Variants in CLASP1 observed in about 807,000 individuals in gnomAD.
CLASP1 encodes cytoplasmic linker associated protein 1.
A neutral mutation model predicts 192.3 loss-of-function variants in CLASP1; 38 were observed. The ratio of observed to expected loss-of-function variants is 0.20; its 90% CI spans 0.15 to 0.26. CLASP1 has a LOEUF of 0.26. CLASP1 is among the 10% of genes least tolerant of loss of function. The pLI is 1.00. For synonymous variants in CLASP1, 691 were observed against 712.8 expected (o/e 0.97, Z 0.49); for missense variants, 1,433 against 1,932.5 (o/e 0.74, Z 4.85).
At chr2:121,431,290 T>C (rs951514304) in intron 19 of CLASP1, among the ~76,000 whole-genome samples, 2 of 152,240 alleles carry the variant, frequency 1.3e-5, no homozygotes, top group African/African-American at 4.8e-5. Flanking sequence ...ATAAACTCTA[T>C]AATCTATACA....
chr2:121,538,268 C>T (rs376232068), intron 2 of CLASP1, among the ~76,000 whole-genome samples: 2 of 151,924 alleles, frequency 1.3e-5, no homozygotes, highest in African/African-American at 2.4e-5. Flanking sequence ...CAAAATTAGC[C>T]GGGCGTGGTG....
At chr2:121,479,082 C>T in intron 8 of CLASP1, among the ~76,000 whole-genome samples, 1 of 127,204 alleles carries the variant, frequency 7.9e-6, no homozygotes, top group East Asian at 2.3e-4. Flanking sequence ...ACACCATCAA[C>T]AACATGGTGA....
chr2:121,613,608 C>A (rs1228726656), intron 1 of CLASP1, among the ~76,000 whole-genome samples: 1 of 138,810 alleles, frequency 7.2e-6, no homozygotes, highest in East Asian at 2.2e-4. Context: ...TGAAAAAGCA[C>A]ATGCACAAAG....
intron 3 of CLASP1, among the ~76,000 whole-genome samples, chr2:121,529,020 C>T (rs1417810017): frequency 1.3e-5 from 2 of 152,200 alleles, no homozygotes; most frequent in Non-Finnish European, 2.9e-5. Flanking sequence ...CTCCTTACCC[C>T]ACGTTCCTCC....
chr2:121,378,216 C>A (rs2070731579), intron 33 of CLASP1, among the ~76,000 whole-genome samples: 1 of 152,086 alleles, frequency 6.6e-6, no homozygotes. Flanking sequence ...TATGAACAGG[C>A]CCAGAAAGTA....
chr2:121,347,728 G>C (rs2063634120), intron 38 of CLASP1, among the ~76,000 whole-genome samples: 1 of 152,100 alleles, frequency 6.6e-6, no homozygotes, highest in African/African-American at 2.4e-5. Context: ...ACCTGCTGCT[G>C]TTCTCCAAAC....
intron 22 of CLASP1, among the ~76,000 whole-genome samples, chr2:121,421,300 G>C (rs933561808): frequency 6.6e-6 from 1 of 152,014 alleles, no homozygotes; most frequent in Admixed American, 6.6e-5. Context: ...CTGTCACCTG[G>C]GCTGGAGAGC....
At chr2:121,597,331 A>T (rs1354897714) in intron 2 of CLASP1, among the ~76,000 whole-genome samples, 2 of 152,298 alleles carry the variant, frequency 1.3e-5, no homozygotes, top group Admixed American at 6.5e-5. Context: ...ACAGCCATAG[A>T]CTATCATTAT....
chr2:121,363,898 A>G (rs2066884752), intron 36 of CLASP1, among the ~76,000 whole-genome samples: 1 of 152,166 alleles, frequency 6.6e-6, no homozygotes, highest in African/African-American at 2.4e-5. Context: ...AAGAGAACGT[A>G]GTTTACACCA....
Position 121,500,573 on chromosome 2 carries a change from TA to T in CLASP1, c.712+2593del, listed in dbSNP as rs2093721859. On this transcript the variant is annotated intron_variant, in intron 8 of 39. Transcript: ENST00000263710. ...AGGGAGACAGGTTTTATTCCATCACTACTGCAGTTTCTCTATGCCATCTAAA... is the reference window on the plus strand; with the variant it reads ...AGGGAGACAGGTTTTATTCCATCACTCTGCAGTTTCTCTATGCCATCTAAA... Among the ~76,000 whole-genome samples the T allele has an allele frequency of 3.9e-5, 6 of 152,278 alleles. No homozygotes were observed. The South Asian group carries it at 1.2e-3, about 32-fold the overall frequency.
chr2:121,523,348 A>T (rs927839203), intron 6 of CLASP1, among the ~76,000 whole-genome samples: 6 of 152,350 alleles, frequency 3.9e-5, no homozygotes, highest in East Asian at 1.9e-4. Context: ...TAAAATAAAG[A>T]AAATCTTGTT....
chr2:121,534,179 A>G (rs2094975978), intron 2 of CLASP1, among the ~76,000 whole-genome samples: 1 of 152,246 alleles, frequency 6.6e-6, no homozygotes, highest in African/African-American at 2.4e-5. Context: ...AAGGGCACAG[A>G]GAATCACTTT....
At chr2:121,625,232 T>A (rs1169749316) in intron 1 of CLASP1, among the ~76,000 whole-genome samples, 1 of 152,180 alleles carries the variant, frequency 6.6e-6, no homozygotes, top group African/African-American at 2.4e-5. Context: ...ATTATTTCAA[T>A]TTTAAAATAT....
intron 14 of CLASP1, 61 bp downstream of exon 14, chr2:121,457,626 T>C (rs2086980963): frequency 3.1e-6 from 4 of 1,296,322 alleles, no homozygotes; most frequent in African/African-American, 2.9e-5. Flanking sequence ...GGAAGGAGAT[T>C]TGGAATTTGT....
chr2:121,643,175 A>C (rs912019013), intron 1 of CLASP1, among the ~76,000 whole-genome samples: 1 of 152,264 alleles, frequency 6.6e-6, no homozygotes, highest in African/African-American at 2.4e-5. Context: ...CAATCTTAAC[A>C]GATACACAAA....
At chr2:121,462,811 G>A (rs2088382381) in intron 9 of CLASP1, among the ~76,000 whole-genome samples, 1 of 152,070 alleles carries the variant, frequency 6.6e-6, no homozygotes, top group Admixed American at 6.6e-5. Flanking sequence ...ATTCTACAAT[G>A]CTATATACAT....
intron 30 of CLASP1, among the ~76,000 whole-genome samples, chr2:121,391,626 G>A (rs993673014): frequency 5.3e-5 from 8 of 152,208 alleles, no homozygotes; most frequent in African/African-American, 1.4e-4. Flanking sequence ...GAGTCCGGGC[G>A]TGGTGGCTCA....
chr2:121,539,772 C>G (rs948216560), intron 2 of CLASP1, among the ~76,000 whole-genome samples: 6 of 152,164 alleles, frequency 3.9e-5, no homozygotes, highest in African/African-American at 1.4e-4. Flanking sequence ...CTCTACAAAG[C>G]AACTGATAGG....
At chr2:121,577,897 G>A (rs1478619661) in intron 2 of CLASP1, among the ~76,000 whole-genome samples, 3 of 151,996 alleles carry the variant, frequency 2.0e-5, no homozygotes, top group Admixed American at 6.6e-5. Flanking sequence ...CAACACAGAC[G>A]ACCCTATCTC....
Sources: gnomAD v4.1 joint callset for allele counts (sites outside exome capture counted in the v4.1 genomes callset) on GRCh38, gnomAD v4.1.1 for gene constraint, MANE v1.5 for transcripts, NCBI Gene and HGNC (gene_info 2026-07-23, HGNC 2026-07-21) for gene names.